The following SERPINE2 variants were observed in gnomAD, a reference collection of about 807,000 sequenced individuals.
SERPINE2 encodes glia-derived nexin.
Under a neutral mutation model 36.3 loss-of-function variants are expected in SERPINE2, and 14 were observed. That is an observed-to-expected ratio of 0.39 (90% confidence interval 0.25 to 0.60). The LOEUF is 0.60. Ranked by LOEUF, SERPINE2 falls within the 20% of genes least tolerant of loss-of-function variation. SERPINE2 has a pLI of 0.57. For synonymous variants in SERPINE2, 192 were observed against 191.8 expected (o/e 1.00, Z -0.01); for missense variants, 418 against 499.6 (o/e 0.84, Z 1.56).
rs1574821860 is a variant in SERPINE2 at position 223,993,755 on chromosome 2, T to G, written c.488-1755A>C. ...TACATAAATCATGATAAATAAACACTGAAGTTTCCCACAGCGTGCTGCTAA... is the reference window on the plus strand; with the variant it reads ...TACATAAATCATGATAAATAAACACGGAAGTTTCCCACAGCGTGCTGCTAA... On this transcript the variant is annotated intron_variant, in intron 3 of 8. Coordinates refer to ENST00000409304, the MANE Select transcript of SERPINE2 (RefSeq NM_001136528.2). Among the ~76,000 whole-genome samples the G allele has an allele frequency of 2.0e-5, 3 of 152,288 alleles. No individual in the cohort carries two copies. The East Asian group carries it at 5.8e-4, about 29-fold the overall frequency.
chr2:223,985,729 A>C (rs1274894030), intron 4 of SERPINE2, among the ~76,000 whole-genome samples: 1 of 152,210 alleles, frequency 6.6e-6, no homozygotes, highest in African/African-American at 2.4e-5. Context: ...CACGGCTAAG[A>C]AGTGAGGAGC....
intron 1 of SERPINE2, among the ~76,000 whole-genome samples, chr2:224,007,697 G>A (rs1559210679): frequency 6.6e-6 from 1 of 152,070 alleles, no homozygotes; most frequent in Non-Finnish European, 1.5e-5. Context: ...ATTGCAACTG[G>A]TTACACCTCT....
chr2:224,013,969 G>C (rs1345967941), intron 1 of SERPINE2: 2 of 152,398 alleles, frequency 1.3e-5, no homozygotes, highest in African/African-American at 4.8e-5. Flanking sequence ...GATAAGGTGG[G>C]CTGGCAGGCC....
chr2:224,035,757 T>C (rs1265599988), intron 1 of SERPINE2, among the ~76,000 whole-genome samples: 1 of 152,196 alleles, frequency 6.6e-6, no homozygotes, highest in Non-Finnish European at 1.5e-5. Context: ...GTATATACTT[T>C]GTTCAGGCCA....
intron 2 of SERPINE2, among the ~76,000 whole-genome samples, chr2:223,998,763 A>C (rs1173627715): frequency 6.6e-6 from 1 of 152,098 alleles, no homozygotes; most frequent in Non-Finnish European, 1.5e-5. Context: ...ATGAGTAGCA[A>C]GAAACTAAGT....
At chr2:224,010,851 A>G (rs1691601208) in intron 1 of SERPINE2, among the ~76,000 whole-genome samples, 1 of 152,226 alleles carries the variant, frequency 6.6e-6, no homozygotes, top group African/African-American at 2.4e-5. Flanking sequence ...TCTGATTTGT[A>G]TTTCAGCAAC....
intron 2 of SERPINE2, 61 bp from the exon 3 acceptor site, chr2:223,998,403 AT>A (rs2106159715): frequency 7.4e-7 from 1 of 1,352,276 alleles, no homozygotes; most frequent in East Asian, 2.3e-5. Context: ...AGTTTTTAAA[AT>A]CTTTTATGTT....
intron 1 of SERPINE2, among the ~76,000 whole-genome samples, chr2:224,009,128 C>T (rs1206776276): frequency 1.3e-5 from 2 of 152,142 alleles, no homozygotes; most frequent in East Asian, 1.9e-4. Flanking sequence ...CAGATGCCAG[C>T]GACAAACAAC....
rs754257462 is a variant in SERPINE2 at position 223,984,744 on chromosome 2, C to A, written c.884+8G>T. 1 of 1,610,876 alleles carries A rather than the reference C, an allele frequency of 6.2e-7. No individual in the cohort carries two copies. Among genetic ancestry groups the A allele is most frequent in the Middle Eastern group, 2.1e-4 (1 of 4,666 alleles). On this transcript the variant is annotated splice_region_variant and intron_variant, in intron 5 of 8. Transcript: ENST00000409304. The stretch of plus-strand genomic sequence containing the variant: ...CACTGTTTTCTTTGAGGGGAAGGGG[C>A]CACTTACTTGGGCAGGATCACCTGC...
intron 2 of SERPINE2, chr2:224,001,412 A>G: frequency 2.1e-6 from 1 of 487,438 alleles, no homozygotes; most frequent in Admixed American, 3.6e-5. Flanking sequence ...CTAGTGGCAG[A>G]CCCCAAGCTC....
rs894483382 is a variant in SERPINE2, at chr2:223,975,445, AT to A, written c.*421del. On this transcript the variant is annotated 3_prime_UTR_variant, in exon 9 of 9. Coordinates refer to ENST00000409304, the MANE Select transcript of SERPINE2 (RefSeq NM_001136528.2). Reference sequence around the variant, plus strand: ...GGGAAAAGAATTTAAAAGGCAAATAATTTTTTTTTCATAAAAAGTAAAAGCT... The same window carrying A: ...GGGAAAAGAATTTAAAAGGCAAATAATTTTTTTTCATAAAAAGTAAAAGCT... 12 of 154,948 alleles carry A rather than the reference AT, an allele frequency of 7.7e-5. No homozygotes were observed. The highest frequency in any genetic ancestry group is 2.2e-4 in the African/African-American group (9 of 41,394). The allele number at this position is 154,948 out of a possible 1,614,324, so 9.6% of individuals were successfully genotyped here.
In SERPINE2 at chr2:224,039,061, CG is replaced by C. The variant is rs1249381377; in HGVS notation, c.-23+37del. ...GAGCGTCCCCCGCCGAGGGCAGCGC[CG>C]GCCGCGCCCGGGACTCACCGCGCAG... On this transcript the variant is annotated intron_variant, in intron 1 of 8. Coordinates refer to ENST00000409304, the MANE Select transcript of SERPINE2 (RefSeq NM_001136528.2). This position sits in a 1 kb window ranked among gnomAD's most constrained non-coding sequence, Gnocchi z 5.2. 1 of 151,328 alleles carries C rather than the reference CG, an allele frequency of 6.6e-6. No homozygotes were observed. The highest frequency in any genetic ancestry group is 1.5e-5 in the Non-Finnish European group (1 of 67,758). 9.4% of individuals were successfully genotyped at this position (151,328 alleles called of 1,614,324 possible). A position where few individuals can be genotyped will look rare whatever the true frequency, so the allele number is the denominator to read the frequency against.
chr2:223,998,228 G>A lies in SERPINE2; in HGVS notation c.374C>T (p.Pro125Leu), dbSNP rs760330307. 1.2e-6 allele frequency: 2 copies of A among 1,614,048 alleles called. No individual in the cohort carries two copies. Among genetic ancestry groups the A allele is most frequent in the South Asian group, 1.1e-5 (1 of 91,088 alleles). ...FVKNASEIEV[P>L]FVTRNKDVFQ... ...CACATCTTTGTTCCTTGTAACAAAA[G>A]GCACTTCAATTTCAGAGGCATTCTT... The change falls in exon 3 of 9, where the codon CCT becomes CTT. Residue 125 changes from proline (P) to leucine (L), a missense_variant. By Grantham distance (98) the Pro-to-Leu change is moderately conservative. Transcript: ENST00000409304.
intron 7 of SERPINE2, chr2:223,979,554 CA>C (rs1213346834): frequency 6.6e-6 from 1 of 152,162 alleles, no homozygotes; most frequent in African/African-American, 2.4e-5. Context: ...CAGAGTTGGC[CA>C]AATCTATTCA....
rs1380104246 is a variant in SERPINE2 at position 224,020,744 on chromosome 2, T to C, written c.-23+18355A>G. 5.9e-5 allele frequency among the ~76,000 whole-genome samples: 9 copies of C among 152,226 alleles called. No homozygotes were observed. The East Asian group carries it at 1.7e-3, about 29-fold the overall frequency. On this transcript the variant is annotated intron_variant, in intron 1 of 8. Coordinates refer to ENST00000409304, the MANE Select transcript of SERPINE2 (RefSeq NM_001136528.2). ...ATACAGCCACACCGAACATATTTTT[T>C]TCTGCAGCTAATTGAAAATACTGCA...
intron 3 of SERPINE2, among the ~76,000 whole-genome samples, chr2:223,993,274 C>T (rs1690743144): frequency 1.3e-5 from 2 of 152,206 alleles, no homozygotes; most frequent in East Asian, 3.8e-4. Flanking sequence ...GAACACAATT[C>T]TTCTCATTTC....
chr2:223,977,445 A>G, intron 8 of SERPINE2, 99 bp downstream of exon 8: 1 of 786,732 alleles, frequency 1.3e-6, no homozygotes, highest in Non-Finnish European at 2.3e-6. Flanking sequence ...GACATTAGGG[A>G]AATGGACTAT....
chr2:224,025,199 A>AG (rs2106195792), intron 1 of SERPINE2, among the ~76,000 whole-genome samples: 2 of 152,316 alleles, frequency 1.3e-5, no homozygotes, highest in Admixed American at 1.3e-4. Flanking sequence ...GGCTTCTCCC[A>AG]GGGACAGGTC....
chr2:223,982,301 G>C (rs1354198863), intron 6 of SERPINE2: 1 of 160,750 alleles, frequency 6.2e-6, no homozygotes, highest in Non-Finnish European at 1.4e-5. Context: ...GTGGTATAAT[G>C]GATTATGGAG....
Sources: allele counts gnomAD v4.1 joint callset (sites outside exome capture counted in the v4.1 genomes callset), GRCh38; gene constraint gnomAD v4.1.1; non-coding constraint Gnocchi (gnomAD v3.1); transcripts MANE v1.5; gene names NCBI Gene and HGNC (gene_info 2026-07-23, HGNC 2026-07-21).